RUNX2: variants seen among roughly 807,000 people sequenced by gnomAD.
The protein encoded by RUNX2 is runt-related transcription factor 2.
Under a neutral mutation model 51.7 loss-of-function variants are expected in RUNX2, and 10 were observed. The observed-to-expected ratio is 0.19, with a 90% CI of 0.12 to 0.33. RUNX2 has a LOEUF of 0.33. Ranked by LOEUF, RUNX2 falls within the 10% of genes least tolerant of loss-of-function variation. The pLI is 1.00. For synonymous variants in RUNX2, 276 were observed against 273.6 expected, an observed-to-expected ratio of 1.01 and a Z score of -0.09; for missense variants, 562 against 691.3, an observed-to-expected ratio of 0.81 and a Z score of 2.10.
intron 5 of RUNX2, among the ~76,000 whole-genome samples, chr6:45,446,437 A>G (rs1799000469): frequency 6.6e-6 from 1 of 151,980 alleles, no homozygotes; most frequent in South Asian, 2.1e-4. Context: ...TTCTGAAAAT[A>G]GTGTTAGGGA....
intron 5 of RUNX2, 44 bp downstream of exon 5, chr6:45,438,095 G>T: frequency 8.4e-7 from 1 of 1,196,470 alleles, no homozygotes; most frequent in East Asian, 2.3e-5. Context: ...AGAGTTTCCA[G>T]AGACCCTATG....
At chr6:45,533,735 T>G (rs1299850968) in intron 7 of RUNX2, among the ~76,000 whole-genome samples, 1 of 152,114 alleles carries the variant, frequency 6.6e-6, no homozygotes, top group African/African-American at 2.4e-5. Flanking sequence ...AGTCAGTTTT[T>G]CAGTTAAATA....
intron 6 of RUNX2, among the ~76,000 whole-genome samples, chr6:45,496,692 C>G (rs1235985867): frequency 2.6e-5 from 4 of 152,064 alleles, no homozygotes; most frequent in African/African-American, 9.7e-5. Context: ...TTGTAGTGGG[C>G]TACCAGTGTA....
Position 45,484,331 on chromosome 6 carries a change from A to C in RUNX2, c.686-7610A>C, listed in dbSNP as rs1476048506. ...AGAGACTAGAAAATGATGATGATGA[A>C]AATAAGGAAATCAGAAGAGAAGCTG... On this transcript the variant is annotated intron_variant, in intron 5 of 8. Transcript: ENST00000647337. 2.0e-5 allele frequency among the ~76,000 whole-genome samples: 3 copies of C among 152,076 alleles called. No homozygotes were observed. In the East Asian group the frequency reaches 5.8e-4, roughly 29 times the overall value.
intron 2 of RUNX2, chr6:45,422,057 G>GGCGGAGGCGCGGCCGC (rs1798211091): frequency 6.8e-6 from 1 of 147,764 alleles, no homozygotes; most frequent in Admixed American, 6.7e-5. Flanking sequence ...GGCGCGGGAG[G>GGCGGAGGCGCGGCCGC]GCGGAGGCGC....
At chr6:45,343,596 C>T (rs533171780) in intron 2 of RUNX2, among the ~76,000 whole-genome samples, 1 of 152,242 alleles carries the variant, frequency 6.6e-6, no homozygotes, top group Non-Finnish European at 1.5e-5. Context: ...AAAATGCCTT[C>T]AATAATTTGA....
chr6:45,375,880 T>C lies in RUNX2; in HGVS notation c.59-46713T>C, dbSNP rs563945327. 3.3e-5 allele frequency among the ~76,000 whole-genome samples: 5 copies of C among 152,058 alleles called. No homozygotes were observed. The South Asian group carries it at 1.0e-3, about 32-fold the overall frequency. On this transcript the variant is annotated intron_variant, in intron 2 of 8. Coordinates refer to ENST00000647337, the MANE Select transcript of RUNX2 (RefSeq NM_001024630.4). ...AAGTAAAGTAATTTTGTGAAACATC[T>C]ATTACCTAATTTCACTTATCTCTCC...
intron 2 of RUNX2, among the ~76,000 whole-genome samples, chr6:45,379,885 C>T (rs1797196972): frequency 6.6e-6 from 1 of 151,600 alleles, no homozygotes; most frequent in South Asian, 2.1e-4. Context: ...AAAAAAATCA[C>T]GCACAACAAA....
At chr6:45,472,074 T>G (rs897772547) in intron 5 of RUNX2, among the ~76,000 whole-genome samples, 9 of 152,202 alleles carry the variant, frequency 5.9e-5, no homozygotes, top group African/African-American at 2.2e-4. Context: ...CTGAAGCTTG[T>G]TTGATAGTAA....
chr6:45,508,099 G>A (rs1801027521), intron 6 of RUNX2, among the ~76,000 whole-genome samples: 2 of 152,092 alleles, frequency 1.3e-5, no homozygotes, highest in African/African-American at 4.8e-5. Flanking sequence ...AGGTATTAGA[G>A]AAGGCATGGG....
At chr6:45,399,734 G>A (rs765529035) in intron 2 of RUNX2, among the ~76,000 whole-genome samples, 77 of 149,530 alleles carry the variant, frequency 5.1e-4, no homozygotes, top group Admixed American at 2.1e-3. Context: ...GGAGGCAAGT[G>A]GGGAAAGAGA....
chr6:45,437,342 G>A (rs73737419), intron 4 of RUNX2, among the ~76,000 whole-genome samples: 3,271 of 152,216 alleles, frequency 0.021, 137 homozygotes, highest in African/African-American at 0.075. Flanking sequence ...GGTGGACAGG[G>A]AGGAGAAAAA....
intron 2 of RUNX2, among the ~76,000 whole-genome samples, chr6:45,366,563 A>G (rs1795168458): frequency 6.6e-6 from 1 of 152,180 alleles, no homozygotes; most frequent in African/African-American, 2.4e-5. Context: ...CCCCTCCTTT[A>G]TCTGCTAAAA....
chr6:45,503,638 C>A (rs1439531691), intron 6 of RUNX2, among the ~76,000 whole-genome samples: 1 of 152,196 alleles, frequency 6.6e-6, no homozygotes, highest in African/African-American at 2.4e-5. Flanking sequence ...CTAGCTTTGC[C>A]GTTGAGATTC....
chr6:45,365,260 T>C (rs1296491007), intron 2 of RUNX2: 2 of 1,612,418 alleles, frequency 1.2e-6, no homozygotes, highest in Non-Finnish European at 1.7e-6. Context: ...TTCCACTACT[T>C]GAAGTTGCAG....
chr6:45,422,489 CGCCTTCACCCCCCCAATTTCCTCCTTG>C, intron 2 of RUNX2, 77 bp from the exon 3 acceptor site: 2 of 481,110 alleles, frequency 4.2e-6, no homozygotes, highest in African/African-American at 2.3e-5. Flanking sequence ...CCCCCCGTCT[CGCCTTCACCCCCCCAATTTCCTCCTTG>C]CCCCTCATTT....
intron 6 of RUNX2, among the ~76,000 whole-genome samples, chr6:45,510,825 G>A (rs1801120247): frequency 6.6e-6 from 1 of 151,638 alleles, no homozygotes; most frequent in Admixed American, 6.6e-5. Flanking sequence ...GTTTTCTCCT[G>A]TAATTTTCAT....
chr6:45,362,694 C>G (rs1263691248), intron 2 of RUNX2, among the ~76,000 whole-genome samples: 1 of 152,124 alleles, frequency 6.6e-6, no homozygotes, highest in East Asian at 1.9e-4. Flanking sequence ...TCTATGAGGT[C>G]TGAAATAGAA....
intron 2 of RUNX2, among the ~76,000 whole-genome samples, chr6:45,374,796 T>C (rs1247341281): frequency 6.6e-6 from 1 of 152,210 alleles, no homozygotes; most frequent in Non-Finnish European, 1.5e-5. Flanking sequence ...AAGGTTTATA[T>C]TCAAAGCAAA....
Sources: gnomAD v4.1 joint callset for allele counts (sites outside exome capture counted in the v4.1 genomes callset) on GRCh38, gnomAD v4.1.1 for gene constraint, MANE v1.5 for transcripts, NCBI Gene and HGNC (gene_info 2026-07-23, HGNC 2026-07-21) for gene names.